LSAMP: variants seen among roughly 807,000 people sequenced by gnomAD.
LSAMP encodes limbic system associated membrane protein.
A neutral mutation model predicts 38.6 loss-of-function variants in LSAMP; 7 were observed. The observed-to-expected ratio is 0.18, with a 90% CI of 0.10 to 0.34. The LOEUF (loss-of-function observed/expected upper bound fraction) is 0.34. LSAMP is among the 10% of genes least tolerant of loss of function. The probability of loss-of-function intolerance (pLI) is 1.00; values close to 1 mark genes in which losing one functional copy is unlikely to be tolerated. For missense variants in LSAMP, 313 were observed against 420.0 expected (o/e 0.75, Z 2.23); for synonymous variants, 154 against 166.8 (o/e 0.92, Z 0.59).
At chr3:115,997,865 G>GAATATAT (rs1451827822) in intron 3 of LSAMP, among the ~76,000 whole-genome samples, 52 of 139,938 alleles carry the variant, frequency 3.7e-4, no homozygotes, top group Non-Finnish European at 7.2e-4. Flanking sequence ...TTATATATTA[G>GAATATAT]AATATACAAT....
At chr3:116,353,747 T>C (rs1440296889) in intron 1 of LSAMP, among the ~76,000 whole-genome samples, 1 of 152,126 alleles carries the variant, frequency 6.6e-6, no homozygotes, top group African/African-American at 2.4e-5. Flanking sequence ...TATTTTAATA[T>C]AATGAAATGC....
chr3:116,120,157 C>T (rs1708842784), intron 1 of LSAMP, among the ~76,000 whole-genome samples: 1 of 152,024 alleles, frequency 6.6e-6, no homozygotes, highest in Non-Finnish European at 1.5e-5. Context: ...TATGGAGGGA[C>T]ATACATAGCC....
intron 3 of LSAMP, among the ~76,000 whole-genome samples, chr3:115,940,316 T>TACAGATGGGTCCATTTTACAGAGC (rs1553751231): frequency 2.6e-3 from 13 of 4,956 alleles, no homozygotes; most frequent in Non-Finnish European, 0.017. Flanking sequence ...GCCCACGTCC[T>TACAGATGGGTCCATTTTACAGAGC]ACTGATGGGT....
rs76620696 is a variant in LSAMP, at chr3:116,083,964, C to G, written c.388+2360G>C. ...TGGCGACTCAGGCTCAAGGAGGATA[C>G]CATGCTTTCTTTATCCCCCTTGTAA... is the stretch of plus-strand genomic sequence containing the variant. On this transcript the variant is annotated intron_variant, in intron 2 of 6. Coordinates refer to ENST00000490035, the MANE Select transcript of LSAMP (RefSeq NM_002338.5). Among the ~76,000 whole-genome samples, 286 of 152,196 alleles carry G rather than the reference C, an allele frequency of 1.9e-3. 6 individuals are homozygous for G. The East Asian group carries it at 0.048, about 25-fold the overall frequency.
At chr3:116,104,458 T>C (rs1708417252) in intron 1 of LSAMP, among the ~76,000 whole-genome samples, 1 of 151,606 alleles carries the variant, frequency 6.6e-6, no homozygotes, top group African/African-American at 2.4e-5. Context: ...CTCATGTTCT[T>C]CCATGCAGCT....
intron 3 of LSAMP, among the ~76,000 whole-genome samples, chr3:115,891,619 G>A (rs953844716): frequency 1.3e-5 from 2 of 151,994 alleles, no homozygotes; most frequent in African/African-American, 4.8e-5. Flanking sequence ...AACAGAAAAT[G>A]AATAGTCTAA....
At chr3:116,000,756 G>A (rs909975047) in intron 3 of LSAMP, among the ~76,000 whole-genome samples, 2 of 152,054 alleles carry the variant, frequency 1.3e-5, no homozygotes, top group South Asian at 4.2e-4. Context: ...CCCTGAAGTC[G>A]AGGACACCCC....
At chr3:116,396,157 C>T (rs1260855877) in intron 1 of LSAMP, among the ~76,000 whole-genome samples, 1 of 152,140 alleles carries the variant, frequency 6.6e-6, no homozygotes, top group Non-Finnish European at 1.5e-5. Flanking sequence ...GGCTGATTTA[C>T]TGAAAACAAT....
intron 3 of LSAMP, among the ~76,000 whole-genome samples, chr3:115,863,597 T>A (rs1935773773): frequency 6.6e-6 from 1 of 151,890 alleles, no homozygotes; most frequent in Middle Eastern, 3.4e-3. Flanking sequence ...TATATATATA[T>A]AAATAAATGT....
chr3:115,939,584 C>CTTTCTTTCTCTT (rs1576237854), intron 3 of LSAMP, among the ~76,000 whole-genome samples: 1 of 131,798 alleles, frequency 7.6e-6, no homozygotes, highest in Admixed American at 7.6e-5. Context: ...TTCTTTCTTT[C>CTTTCTTTCTCTT]TGTTAAGAGA....
chr3:115,941,578 C>T (rs1338391816), intron 3 of LSAMP, among the ~76,000 whole-genome samples: 4 of 152,040 alleles, frequency 2.6e-5, no homozygotes, highest in African/African-American at 4.8e-5. Flanking sequence ...CACAGACACA[C>T]ACACAGATAC....
rs75923810 is a variant in LSAMP at position 116,388,142 on chromosome 3, G to A, written c.155+56735C>T. Among the ~76,000 whole-genome samples, 472 of 152,188 alleles carry A rather than the reference G, an allele frequency of 3.1e-3. 4 individuals are homozygous for A. Among genetic ancestry groups the A allele is most frequent in the African/African-American group, 0.011 (442 of 41,496 alleles). On this transcript the variant is annotated intron_variant, in intron 1 of 6. Coordinates refer to ENST00000490035, the MANE Select transcript of LSAMP (RefSeq NM_002338.5). Reference sequence around the variant, plus strand: ...TTTTGGCCAAGAAAGGAACAGACATGCTGAAGATGGTGTAGTAGTGGAGCA... The same window carrying A: ...TTTTGGCCAAGAAAGGAACAGACATACTGAAGATGGTGTAGTAGTGGAGCA...
chr3:116,405,398 A>G (rs1392187236), intron 1 of LSAMP, among the ~76,000 whole-genome samples: 1 of 152,144 alleles, frequency 6.6e-6, no homozygotes. Context: ...AGTGGAGAGC[A>G]TCTGGGAGAC....
At chr3:116,124,333 G>T (rs1708957512) in intron 1 of LSAMP, among the ~76,000 whole-genome samples, 1 of 152,102 alleles carries the variant, frequency 6.6e-6, no homozygotes, top group South Asian at 2.1e-4. Flanking sequence ...CATGAAAATT[G>T]TCTGTGGGCT....
chr3:115,957,074 A>G (rs1335415770), intron 3 of LSAMP, among the ~76,000 whole-genome samples: 1 of 152,206 alleles, frequency 6.6e-6, no homozygotes, highest in Non-Finnish European at 1.5e-5. Context: ...CTCTGATTCT[A>G]TCTCCACTCC....
chr3:116,224,493 A>G (rs2046321376), intron 1 of LSAMP, among the ~76,000 whole-genome samples: 1 of 152,256 alleles, frequency 6.6e-6, no homozygotes, highest in South Asian at 2.1e-4. Flanking sequence ...CAGAACTCAG[A>G]ACTAGGTAAT....
intron 3 of LSAMP, among the ~76,000 whole-genome samples, chr3:115,973,775 A>G (rs1576273056): frequency 6.6e-6 from 1 of 152,188 alleles, no homozygotes; most frequent in Admixed American, 6.5e-5. Context: ...CACCTTATAT[A>G]CAGAGACTGA....
chr3:116,215,618 C>T (rs2046210516), intron 1 of LSAMP, among the ~76,000 whole-genome samples: 3 of 152,140 alleles, frequency 2.0e-5, no homozygotes, highest in Admixed American at 6.5e-5. Context: ...GTCTGATTTT[C>T]TGACATATTT....
chr3:115,997,063 T>C (rs980135151), intron 3 of LSAMP, among the ~76,000 whole-genome samples: 1 of 152,154 alleles, frequency 6.6e-6, no homozygotes, highest in African/African-American at 2.4e-5. Context: ...CTGTGGACCT[T>C]ACATGCCAGT....
Sources: gnomAD v4.1 joint callset for allele counts (sites outside exome capture counted in the v4.1 genomes callset) on GRCh38, gnomAD v4.1.1 for gene constraint, MANE v1.5 for transcripts, NCBI Gene and HGNC (gene_info 2026-07-23, HGNC 2026-07-21) for gene names.